The following IFT80 variants were observed in gnomAD, a reference collection of about 807,000 sequenced individuals.
IFT80 encodes the protein intraflagellar transport protein 80 homolog.
A neutral mutation model predicts 107.9 loss-of-function variants in IFT80; 79 were observed. The ratio of observed to expected loss-of-function variants is 0.73; its 90% CI spans 0.61 to 0.88. The LOEUF (loss-of-function observed/expected upper bound fraction) is 0.88, where lower values mean the gene tolerates loss of function less well. Among genes scored for constraint, IFT80 ranks in the 40% least tolerant of loss-of-function variants. The pLI is 0.00. For missense variants in IFT80, 797 were observed against 914.2 expected, an observed-to-expected ratio of 0.87 and a Z score of 1.65; for synonymous variants, 299 against 300.9, an observed-to-expected ratio of 0.99 and a Z score of 0.07.
chr3:160,275,170 A>G (rs1714160381), intron 18 of IFT80, among the ~76,000 whole-genome samples: 1 of 152,238 alleles, frequency 6.6e-6, no homozygotes, highest in Non-Finnish European at 1.5e-5. Context: ...CTAGCACATC[A>G]TAACCACTGA....
intron 12 of IFT80, among the ~76,000 whole-genome samples, chr3:160,292,598 G>T (rs1715656220): frequency 1.3e-5 from 2 of 150,296 alleles, no homozygotes; most frequent in South Asian, 4.2e-4. Context: ...TCCTGCCTCA[G>T]CCTCCTGAGT....
At chr3:160,270,011 T>G (rs781440326) in intron 18 of IFT80, among the ~76,000 whole-genome samples, 19 of 150,788 alleles carry the variant, frequency 1.3e-4, no homozygotes, top group Admixed American at 5.9e-4. Flanking sequence ...GGCTTACTAT[T>G]TTTTTTTTAG....
chr3:160,349,658 A>G (rs1291110046), intron 8 of IFT80, among the ~76,000 whole-genome samples: 1 of 152,218 alleles, frequency 6.6e-6, no homozygotes, highest in Non-Finnish European at 1.5e-5. Flanking sequence ...TGAGAGAAAC[A>G]AAAAGAAACA....
At chr3:160,382,388 A>AATT (rs1410048848) in intron 2 of IFT80, among the ~76,000 whole-genome samples, 1 of 152,152 alleles carries the variant, frequency 6.6e-6, no homozygotes, top group Non-Finnish European at 1.5e-5. Context: ...AAAATTAGGA[A>AATT]ATAATTCAAT....
chr3:160,333,442 C>T (rs1288526750), intron 8 of IFT80, among the ~76,000 whole-genome samples: 5 of 152,156 alleles, frequency 3.3e-5, no homozygotes, highest in African/African-American at 1.2e-4. Flanking sequence ...CTTGTAGTAA[C>T]ACTAAACTTA....
intron 18 of IFT80, 94 bp downstream of exon 18, chr3:160,277,212 A>C (rs937892419): frequency 1.8e-6 from 2 of 1,087,214 alleles, no homozygotes; most frequent in Admixed American, 3.4e-5. Flanking sequence ...TAAGAAACTA[A>C]AATATAGTGG....
intron 1 of IFT80, among the ~76,000 whole-genome samples, chr3:160,388,897 T>G (rs575840848): frequency 1.0e-3 from 156 of 152,272 alleles, no homozygotes; most frequent in Non-Finnish European, 2.0e-3. Flanking sequence ...ACAAGCCTAG[T>G]AATGAGGACA....
At chr3:160,341,677 G>T (rs1442599368) in intron 8 of IFT80, among the ~76,000 whole-genome samples, 1 of 152,078 alleles carries the variant, frequency 6.6e-6, no homozygotes, top group Non-Finnish European at 1.5e-5. Flanking sequence ...CTTTAGAGTT[G>T]TTAACACTGG....
chr3:160,322,402 A>G (rs1718308103), intron 8 of IFT80, among the ~76,000 whole-genome samples: 1 of 151,844 alleles, frequency 6.6e-6, no homozygotes, highest in Admixed American at 6.6e-5. Context: ...TCCATGGTGT[A>G]TATGTGCCAC....
chr3:160,351,944 T>C (rs999201876), intron 8 of IFT80, among the ~76,000 whole-genome samples: 1 of 151,794 alleles, frequency 6.6e-6, no homozygotes, highest in Non-Finnish European at 1.5e-5. Context: ...TAAGAGATAA[T>C]ACCATCACAC....
At chr3:160,378,573 G>A (rs1305464765) in intron 3 of IFT80, among the ~76,000 whole-genome samples, 1 of 151,294 alleles carries the variant, frequency 6.6e-6, no homozygotes, top group East Asian at 1.9e-4. Flanking sequence ...GACTAAGAAA[G>A]TACAAGATAA....
At chr3:160,366,200 T>C in intron 5 of IFT80, 48 bp from the exon 6 acceptor site, 1 of 1,299,830 alleles carries the variant, frequency 7.7e-7, no homozygotes, top group Non-Finnish European at 1.1e-6. Flanking sequence ...CTTTAATTAT[T>C]ATGCCTTATA....
chr3:160,380,202 T>A (rs1408802257), intron 3 of IFT80, among the ~76,000 whole-genome samples: 1 of 151,844 alleles, frequency 6.6e-6, no homozygotes, highest in Non-Finnish European at 1.5e-5. Context: ...CTAGCTAAAA[T>A]TTTTTTGTAT....
chr3:160,262,700 T>C (rs1412794050), intron 19 of IFT80, among the ~76,000 whole-genome samples: 1 of 152,166 alleles, frequency 6.6e-6, no homozygotes, highest in Non-Finnish European at 1.5e-5. Context: ...TAAAGGAGAA[T>C]TTATATTTTG....
chr3:160,384,289 A>G (rs1712761961), intron 2 of IFT80: 1 of 701,482 alleles, frequency 1.4e-6, no homozygotes, highest in Non-Finnish European at 1.8e-6. Flanking sequence ...CTACTAAAGT[A>G]AACAAAAACT....
At chr3:160,289,367 T>C (rs1025359940) in intron 12 of IFT80, among the ~76,000 whole-genome samples, 2 of 152,192 alleles carry the variant, frequency 1.3e-5, no homozygotes, top group Admixed American at 1.3e-4. Context: ...GCTTAGTAAC[T>C]AGGTGATAAA....
chr3:160,293,720 G>A (rs1053372271), intron 12 of IFT80, among the ~76,000 whole-genome samples: 6 of 152,112 alleles, frequency 3.9e-5, no homozygotes, highest in Non-Finnish European at 7.4e-5. Context: ...TCAGGATAGC[G>A]GTTGGTCACC....
chr3:160,382,451 C>T (rs940952540), intron 2 of IFT80, among the ~76,000 whole-genome samples: 2 of 152,122 alleles, frequency 1.3e-5, no homozygotes, highest in Admixed American at 1.3e-4. Flanking sequence ...TATGATCCCT[C>T]AAATTTTTAC....
rs536547142 is a variant in IFT80, at chr3:160,305,968, T to C, written c.1076+1695A>G. On this transcript the variant is annotated intron_variant, in intron 10 of 19. Coordinates refer to ENST00000326448, the MANE Select transcript of IFT80 (RefSeq NM_020800.3). The stretch of plus-strand genomic sequence containing the variant: ...AGTATAACAGTTGCTCAATAAGTGA[T>C]AGTCATTATTATCTAAAATGCTAGT... Among the ~76,000 whole-genome samples, 468 of 152,284 alleles carry C rather than the reference T, an allele frequency of 3.1e-3. 1 individual carries two copies. The highest frequency in any genetic ancestry group is 0.011 in the African/African-American group (447 of 41,564).
Sources: gnomAD v4.1 joint callset for allele counts (sites outside exome capture counted in the v4.1 genomes callset) on GRCh38, gnomAD v4.1.1 for gene constraint, MANE v1.5 for transcripts, NCBI Gene and HGNC (gene_info 2026-07-23, HGNC 2026-07-21) for gene names.